VWF: variants seen among roughly 807,000 people sequenced by gnomAD.
VWF encodes the protein von Willebrand factor, also known as Factor VIII related antigen.
A neutral mutation model predicts 308.6 loss-of-function variants in VWF; 176 were observed. That is an observed-to-expected ratio of 0.57 (90% CI 0.50 to 0.65). The LOEUF (loss-of-function observed/expected upper bound fraction) is 0.65, where lower values mean the gene tolerates loss of function less well. Ranked by LOEUF, VWF falls within the 30% of genes least tolerant of loss-of-function variation. VWF has a pLI of 0.00. For missense variants in VWF, 3,146 were observed against 3,648.2 expected (o/e 0.86, Z 3.55); for synonymous variants, 1,385 against 1,443.4 (o/e 0.96, Z 0.92).
intron 21 of VWF, among the ~76,000 whole-genome samples, chr12:6,030,158 C>T (rs1944243264): frequency 6.6e-6 from 1 of 152,168 alleles, no homozygotes; most frequent in African/African-American, 2.4e-5. Flanking sequence ...TGAGAACTGC[C>T]ATCATCCCTT....
chr12:5,980,449 T>C (rs1943592785), intron 42 of VWF, among the ~76,000 whole-genome samples: 1 of 152,204 alleles, frequency 6.6e-6, no homozygotes, highest in East Asian at 1.9e-4. Context: ...AGGTGGCTGC[T>C]AGTCAAATCC....
intron 32 of VWF, 119 bp from the exon 33 acceptor site, chr12:6,012,249 A>C: frequency 9.0e-7 from 1 of 1,107,768 alleles, no homozygotes; most frequent in South Asian, 1.2e-5. Context: ...CTCTGAAAAG[A>C]ATCTGAACAA....
chr12:6,103,441 TACATAC>T (rs1251913328), intron 5 of VWF, among the ~76,000 whole-genome samples: 1 of 113,020 alleles, frequency 8.8e-6, no homozygotes, highest in African/African-American at 4.1e-5. Flanking sequence ...CGTGTGTATA[TACATAC>T]ACATATATGT....
intron 34 of VWF, among the ~76,000 whole-genome samples, chr12:6,005,172 T>TA (rs1943912259): frequency 6.6e-6 from 1 of 152,166 alleles, no homozygotes; most frequent in African/African-American, 2.4e-5. Flanking sequence ...AAACATACCA[T>TA]AAAGCCTTTA....
chr12:6,103,476 G>GTATA (rs148409108), intron 5 of VWF, among the ~76,000 whole-genome samples: 1 of 122,258 alleles, frequency 8.2e-6, no homozygotes, highest in Admixed American at 7.8e-5. Context: ...ACATATGTGT[G>GTATA]TATATACATA....
chr12:5,999,471 T>TACACACACACACACACACACACACAC (rs3062521), intron 34 of VWF, among the ~76,000 whole-genome samples: 3 of 143,554 alleles, frequency 2.1e-5, no homozygotes, highest in African/African-American at 7.8e-5. Flanking sequence ...TGTACACACA[T>TACACACACACACACACACACACACAC]ACACACACAC....
intron 14 of VWF, among the ~76,000 whole-genome samples, chr12:6,057,480 T>TTTATTTA (rs113015394): frequency 0.039 from 5,091 of 129,500 alleles, 133 homozygotes; most frequent in Non-Finnish European, 0.054. Context: ...GCCCGGCAAA[T>TTTATTTA]TTATTATTAT....
At chr12:6,033,977 C>T (rs1225809972) in intron 20 of VWF, among the ~76,000 whole-genome samples, 1 of 152,272 alleles carries the variant, frequency 6.6e-6, no homozygotes, top group Non-Finnish European at 1.5e-5. Context: ...CTTGCTTACA[C>T]AGTTGATGTC....
intron 32 of VWF, among the ~76,000 whole-genome samples, chr12:6,012,598 C>T (rs1368282836): frequency 6.6e-6 from 1 of 151,554 alleles, no homozygotes; most frequent in Non-Finnish European, 1.5e-5. Context: ...CTTATTCCCC[C>T]GAAGGACAGT....
chr12:6,058,379 C>G lies in VWF; in HGVS notation c.1534-335G>C, dbSNP rs565329857. ...TAAGGTCAGGGAGGTAGTGGCGGAG[C>G]TAGGGTGAGTAGGCAGGTTGAGCCC... On this transcript the variant is annotated intron_variant, in intron 13 of 51. Coordinates refer to ENST00000261405, the MANE Select transcript of VWF (RefSeq NM_000552.5). The surrounding 1 kb of genome is among the most constrained non-coding windows in gnomAD (Gnocchi z 4.9). Among the ~76,000 whole-genome samples, 9 of 152,274 alleles carry G rather than the reference C, an allele frequency of 5.9e-5. No individual in the cohort carries two copies. In the East Asian group the frequency reaches 1.7e-3, roughly 29 times the overall value.
intron 6 of VWF, among the ~76,000 whole-genome samples, chr12:6,092,515 T>TTGTTTG (rs66551998): frequency 7.6e-6 from 1 of 131,860 alleles, no homozygotes; most frequent in Non-Finnish European, 1.6e-5. Context: ...TAGTATGTGT[T>TTGTTTG]TGTCTGTGTG....
chr12:6,012,077 A>G lies in VWF; in HGVS notation c.5664+10T>C, dbSNP rs1450402914. On this transcript the variant is annotated intron_variant, in intron 33 of 51. Transcript: ENST00000261405. The stretch of plus-strand genomic sequence containing the variant: ...AACCTTTCTTTCAAAGTCAACAGAA[A>G]GGAACTTACCCTCTTCTCATTCCCA... The G allele has an allele frequency of 1.2e-6, 2 of 1,614,072 alleles. No homozygotes were observed. Among genetic ancestry groups the G allele is most frequent in the South Asian group, 2.2e-5 (2 of 91,078 alleles).
chr12:6,031,336 G>A (rs1479327056), intron 21 of VWF, 108 bp downstream of exon 21: 18 of 1,584,648 alleles, frequency 1.1e-5, no homozygotes, highest in Non-Finnish European at 4.3e-6. Flanking sequence ...TTTAATGGCT[G>A]TGCGTTATTC....
intron 16 of VWF, among the ~76,000 whole-genome samples, chr12:6,051,315 A>T (rs7305522): frequency 8.3e-5 from 11 of 133,150 alleles, no homozygotes; most frequent in Admixed American, 1.6e-4. Flanking sequence ...TTTTTGAGAT[A>T]GAGTCTCGCT....
At chr12:6,059,227 C>T (rs970321114) in intron 13 of VWF, among the ~76,000 whole-genome samples, 1 of 152,170 alleles carries the variant, frequency 6.6e-6, no homozygotes, top group Non-Finnish European at 1.5e-5. Context: ...AAATTTAAAT[C>T]CCCCCAATCC....
intron 47 of VWF, among the ~76,000 whole-genome samples, chr12:5,955,695 TA>T (rs1207458469): frequency 6.6e-6 from 1 of 152,084 alleles, no homozygotes; most frequent in Non-Finnish European, 1.5e-5. Flanking sequence ...ATAACTATGA[TA>T]AATATGTTAA....
Position 6,018,517 on chromosome 12 carries a change from G to A in VWF, c.4901C>T (p.Ala1634Val). The change falls in exon 28 of 52, where the codon GCC becomes GTC. Residue 1634 changes from alanine to valine, a missense_variant. Physicochemically the swap from Ala to Val is moderately conservative, Grantham distance 64. This residue lies in a region of VWF where 853 missense variants were observed against 1,177.8 expected (regional missense o/e 0.72). Coordinates refer to ENST00000261405, the MANE Select transcript of VWF (RefSeq NM_000552.5). ...AATCCTCTCCAGCTCCTGCACGTTG[G>A]CATTAGGGCCCACTCCAATGGGCAC... ...QVVPIGVGPN[A>V]NVQELERIGW... The A allele has an allele frequency of 6.2e-7, 1 of 1,613,964 alleles. No homozygotes were observed. Among genetic ancestry groups the A allele is most frequent in the Non-Finnish European group, 8.5e-7 (1 of 1,179,942 alleles).
At chr12:6,030,693 T>C (rs1944251822) in intron 21 of VWF, among the ~76,000 whole-genome samples, 1 of 152,136 alleles carries the variant, frequency 6.6e-6, no homozygotes, top group African/African-American at 2.4e-5. Flanking sequence ...ACTTTTTAAG[T>C]TCTTAGTACA....
At position 5,985,590 on chromosome 12, in the gene VWF, T is replaced by C. The variant is rs540687510; in HGVS notation, c.6874A>G (p.Thr2292Ala). The change falls in exon 39 of 52, where the codon ACA becomes GCA. Residue 2292 changes from threonine (T) to alanine (A), a missense_variant. Physicochemically the swap from Thr to Ala is moderately conservative, Grantham distance 58 (BLOSUM62 0). This residue lies in a region of VWF where 989 missense variants were observed against 1,117.4 expected (regional missense o/e 0.89). Coordinates refer to ENST00000261405, the MANE Select transcript of VWF (RefSeq NM_000552.5). ...TCLSGRKVNC[T>A]TQPCPTAKAP... is the part of the protein sequence containing the mutation. ...TTGGCCGTGGGGCAGGGCTGCGTTG[T>C]GCAGTTGACCTTCCGCCCGCTGAGG... The C allele has an allele frequency of 2.5e-6, 4 of 1,613,976 alleles. No individual in the cohort carries two copies. Among genetic ancestry groups the C allele is most frequent in the African/African-American group, 2.7e-5 (2 of 74,938 alleles).
Sources: gnomAD v4.1 joint callset for allele counts (sites outside exome capture counted in the v4.1 genomes callset) on GRCh38, gnomAD v4.1.1 for gene constraint, gnomAD v4.1.1 regional missense constraint, Gnocchi (gnomAD v3.1) non-coding constraint, MANE v1.5 for transcripts, NCBI Gene and HGNC (gene_info 2026-07-23, HGNC 2026-07-21) for gene names.